Variants in LUZP2 observed in about 807,000 individuals in gnomAD.
The protein encoded by LUZP2 is leucine zipper protein 2.
In LUZP2, 52 loss-of-function variants were observed where a neutral mutation model predicts 51.6. That is an observed-to-expected ratio of 1.01 (90% CI 0.81 to 1.27). The LOEUF is 1.27. Among genes scored for constraint, LUZP2 ranks in the 50% most tolerant of loss-of-function variants. The probability of loss-of-function intolerance (pLI) is 0.00; values close to 1 mark genes in which losing one functional copy is unlikely to be tolerated. For missense variants in LUZP2, 436 were observed against 395.4 expected, an observed-to-expected ratio of 1.10 and a Z score of -0.87; for synonymous variants, 154 against 137.3, an observed-to-expected ratio of 1.12 and a Z score of -0.85.
chr11:24,945,788 C>G (rs1854880807), intron 7 of LUZP2, among the ~76,000 whole-genome samples: 1 of 151,770 alleles, frequency 6.6e-6, no homozygotes, highest in Non-Finnish European at 1.5e-5. Context: ...ATTGCTAGTT[C>G]TTACGATTTT....
intron 1 of LUZP2, among the ~76,000 whole-genome samples, chr11:24,703,668 CA>C (rs35979167): frequency 1.5e-4 from 21 of 144,706 alleles, no homozygotes; most frequent in South Asian, 4.4e-4. Context: ...ACTAAAAATA[CA>C]AAAAAAAAAA....
chr11:24,602,374 G>A (rs1004532758), intron 1 of LUZP2, among the ~76,000 whole-genome samples: 112 of 67,078 alleles, frequency 1.7e-3, no homozygotes, highest in African/African-American at 5.0e-3. Flanking sequence ...GTGTGTGTGT[G>A]TATATATATA....
intron 5 of LUZP2, among the ~76,000 whole-genome samples, chr11:24,856,396 C>A (rs1851566935): frequency 6.6e-6 from 1 of 152,008 alleles, no homozygotes; most frequent in South Asian, 2.1e-4. Context: ...CCATCTCATG[C>A]CAGTCAGAAT....
rs139041897 is a variant in LUZP2 at position 24,727,357 on chromosome 11, T to C, written c.63-1812T>C. Among the ~76,000 whole-genome samples the C allele has an allele frequency of 3.5e-3, 529 of 152,168 alleles. 5 individuals carry two copies. The highest frequency in any genetic ancestry group is 0.019 in the South Asian group (92 of 4,824). Reference sequence around the variant, plus strand: ...GATACACCACTTTCTTAATAGCATGTCCTTAGAAGTTATTTACTACTCTTG... The same window carrying C: ...GATACACCACTTTCTTAATAGCATGCCCTTAGAAGTTATTTACTACTCTTG... On this transcript the variant is annotated intron_variant, in intron 1 of 11. Coordinates refer to ENST00000336930, the MANE Select transcript of LUZP2 (RefSeq NM_001009909.4).
intron 1 of LUZP2, among the ~76,000 whole-genome samples, chr11:24,716,190 G>T (rs1463592140): frequency 6.6e-6 from 1 of 152,138 alleles, no homozygotes; most frequent in Non-Finnish European, 1.5e-5. Flanking sequence ...GTTGAAGACA[G>T]GCTGAATGGA....
intron 9 of LUZP2, among the ~76,000 whole-genome samples, chr11:25,018,824 C>T (rs12577009): frequency 0.59 from 88,826 of 151,738 alleles, 27,210 homozygotes; most frequent in African/African-American, 0.77. Context: ...GCCAGGCTTG[C>T]CTTGAACTCC....
chr11:24,692,593 A>T (rs1386430683), intron 1 of LUZP2, among the ~76,000 whole-genome samples: 2 of 152,066 alleles, frequency 1.3e-5, no homozygotes, highest in Admixed American at 1.3e-4. Context: ...TCTCTGCAGC[A>T]TATTTAGTGG....
chr11:24,988,446 A>T (rs968973143), intron 9 of LUZP2, among the ~76,000 whole-genome samples: 1 of 152,002 alleles, frequency 6.6e-6, no homozygotes, highest in Non-Finnish European at 1.5e-5. Context: ...TAGTTCAGAG[A>T]TAAAATAATG....
chr11:24,832,306 G>A (rs1448062224), intron 5 of LUZP2, among the ~76,000 whole-genome samples: 2 of 151,796 alleles, frequency 1.3e-5, no homozygotes, highest in African/African-American at 4.8e-5. Context: ...ATTATCTCCT[G>A]TAACAGCCCT....
chr11:25,077,433 G>A (rs374163421), intron 11 of LUZP2, 27 bp downstream of exon 11: 7 of 1,359,994 alleles, frequency 5.1e-6, no homozygotes, highest in African/African-American at 1.4e-5. Flanking sequence ...TTTCGTTTGT[G>A]TCAAAAAGCA....
intron 1 of LUZP2, among the ~76,000 whole-genome samples, chr11:24,576,249 A>G (rs1357121725): frequency 6.9e-6 from 1 of 144,458 alleles, no homozygotes; most frequent in Non-Finnish European, 1.5e-5. Context: ...CATCTCTACT[A>G]AAGATACAAA....
intron 5 of LUZP2, among the ~76,000 whole-genome samples, chr11:24,779,080 A>G (rs912619629): frequency 5.9e-5 from 9 of 152,224 alleles, no homozygotes; most frequent in African/African-American, 2.2e-4. Flanking sequence ...TACATGCCAT[A>G]GAAAAATACA....
intron 5 of LUZP2, chr11:24,892,879 C>T (rs1184272748): frequency 6.6e-6 from 1 of 152,070 alleles, no homozygotes; most frequent in Non-Finnish European, 1.5e-5. Context: ...CACAGAATTC[C>T]TTGACACTAA....
intron 8 of LUZP2, among the ~76,000 whole-genome samples, chr11:24,982,641 G>A (rs761294533): frequency 1.6e-4 from 25 of 151,700 alleles, no homozygotes; most frequent in Non-Finnish European, 3.7e-4. Flanking sequence ...GTAGAGTGGA[G>A]TAGAAAGGAC....
chr11:24,552,193 A>C (rs1851743654), intron 1 of LUZP2, among the ~76,000 whole-genome samples: 1 of 152,028 alleles, frequency 6.6e-6, no homozygotes, highest in Non-Finnish European at 1.5e-5. Flanking sequence ...TATCAGCTAA[A>C]CTTACAAAAA....
chr11:24,983,044 G>C (rs1856083968), intron 8 of LUZP2, 82 bp from the exon 9 acceptor site: 1 of 1,386,824 alleles, frequency 7.2e-7, no homozygotes, highest in African/African-American at 1.4e-5. Context: ...GGGGAGTATA[G>C]GCTAAGAGGA....
At chr11:24,937,823 C>G (rs1854631457) in intron 7 of LUZP2, among the ~76,000 whole-genome samples, 1 of 151,740 alleles carries the variant, frequency 6.6e-6, no homozygotes, top group African/African-American at 2.4e-5. Context: ...ATGGTGTGAA[C>G]CCGGGAGGCG....
At chr11:25,051,510 T>C (rs1002067561) in intron 10 of LUZP2, among the ~76,000 whole-genome samples, 2 of 152,144 alleles carry the variant, frequency 1.3e-5, no homozygotes, top group African/African-American at 4.8e-5. Flanking sequence ...TTTACTATAG[T>C]TTGAAGCACG....
chr11:24,770,404 A>G (rs918306305), intron 5 of LUZP2, among the ~76,000 whole-genome samples: 1 of 152,142 alleles, frequency 6.6e-6, no homozygotes, highest in Non-Finnish European at 1.5e-5. Flanking sequence ...TCTCAGTGGC[A>G]TCCTTTTCCT....
Sources: gnomAD v4.1 joint callset for allele counts (sites outside exome capture counted in the v4.1 genomes callset) on GRCh38, gnomAD v4.1.1 for gene constraint, MANE v1.5 for transcripts, NCBI Gene and HGNC (gene_info 2026-07-23, HGNC 2026-07-21) for gene names.